DLC1: variants seen among roughly 807,000 people sequenced by gnomAD.
DLC1 encodes rho GTPase-activating protein 7.
In DLC1, 54 loss-of-function variants were observed where a neutral mutation model predicts 140.3. That is an observed-to-expected ratio of 0.38 (90% CI 0.31 to 0.48). The LOEUF is 0.48. DLC1 is among the 20% of genes least tolerant of loss of function. DLC1 has a pLI of 0.96. For missense variants in DLC1, 2,536 were observed against 1,907.0 expected (o/e 1.33, Z -6.14); for synonymous variants, 986 against 728.1 (o/e 1.35, Z -5.70).
chr8:13,193,216 A>T (rs1826860135), intron 5 of DLC1, among the ~76,000 whole-genome samples: 1 of 152,108 alleles, frequency 6.6e-6, no homozygotes, highest in Non-Finnish European at 1.5e-5. Flanking sequence ...TTATATTATT[A>T]TCCTGTTGTG....
At chr8:13,540,512 A>T (rs981252603) in intron 1 of DLC1, among the ~76,000 whole-genome samples, 9 of 152,218 alleles carry the variant, frequency 5.9e-5, no homozygotes, top group Admixed American at 4.6e-4. Context: ...ATTCCAGTTC[A>T]TGAACTGAAT....
chr8:13,186,265 C>T (rs1472701317), intron 5 of DLC1, among the ~76,000 whole-genome samples: 2 of 152,148 alleles, frequency 1.3e-5, no homozygotes, highest in Non-Finnish European at 1.5e-5. Context: ...TTCCATTCTG[C>T]CCATCACTTT....
At chr8:13,333,016 T>C (rs1833665976) in intron 4 of DLC1, among the ~76,000 whole-genome samples, 1 of 152,234 alleles carries the variant, frequency 6.6e-6, no homozygotes, top group African/African-American at 2.4e-5. Flanking sequence ...TCTAGAATTG[T>C]GGCAACACTA....
At chr8:13,231,750 A>C (rs1829055167) in intron 5 of DLC1, among the ~76,000 whole-genome samples, 1 of 152,262 alleles carries the variant, frequency 6.6e-6, no homozygotes, top group African/African-American at 2.4e-5. Context: ...CGATGTGATC[A>C]GATTAGTTTT....
At chr8:13,186,715 TGGA>T in intron 5 of DLC1, among the ~76,000 whole-genome samples, 1 of 152,244 alleles carries the variant, frequency 6.6e-6, no homozygotes. Flanking sequence ...TGCAGTCCTT[TGGA>T]GGAGAAGAGG....
chr8:13,383,499 G>C (rs1836367487), intron 4 of DLC1, among the ~76,000 whole-genome samples: 1 of 152,106 alleles, frequency 6.6e-6, no homozygotes, highest in Non-Finnish European at 1.5e-5. Context: ...CTATCTTTTG[G>C]GGGCCATTTG....
intron 4 of DLC1, among the ~76,000 whole-genome samples, chr8:13,313,824 G>A (rs947463864): frequency 3.3e-5 from 5 of 151,734 alleles, no homozygotes; most frequent in African/African-American, 1.2e-4. Context: ...GTTTTATAAA[G>A]CTCAGTGTGG....
intron 2 of DLC1, among the ~76,000 whole-genome samples, chr8:13,423,730 A>G (rs749910939): frequency 6.6e-6 from 1 of 152,162 alleles, no homozygotes; most frequent in Non-Finnish European, 1.5e-5. Flanking sequence ...ACTGATGACT[A>G]AAAGGGCAAA....
At chr8:13,249,544 C>T (rs1327484300) in intron 5 of DLC1, among the ~76,000 whole-genome samples, 2 of 152,300 alleles carry the variant, frequency 1.3e-5, no homozygotes, top group Admixed American at 1.3e-4. Context: ...AGCCAAGGCT[C>T]TCTTCACTTG....
At chr8:13,278,099 C>A (rs1469924978) in intron 5 of DLC1, among the ~76,000 whole-genome samples, 1 of 152,190 alleles carries the variant, frequency 6.6e-6, no homozygotes, top group Non-Finnish European at 1.5e-5. Flanking sequence ...ATGAATGTCC[C>A]CCATTGAGCA....
chr8:13,160,883 T>G (rs1442907091), intron 5 of DLC1, among the ~76,000 whole-genome samples: 1 of 152,118 alleles, frequency 6.6e-6, no homozygotes, highest in African/African-American at 2.4e-5. Context: ...CTCAGGAGAT[T>G]GAGACCATCA....
chr8:13,314,820 C>T (rs190497091), intron 4 of DLC1, among the ~76,000 whole-genome samples: 4,863 of 151,888 alleles, frequency 0.032, 107 homozygotes, highest in South Asian at 0.057. Context: ...TTATCCTTAT[C>T]AAATGTGACT....
chr8:13,161,531 G>T (rs10086073), intron 5 of DLC1, among the ~76,000 whole-genome samples: 1 of 151,838 alleles, frequency 6.6e-6, no homozygotes, highest in African/African-American at 2.4e-5. Context: ...GGTTGAGACA[G>T]GTCTTGCTTT....
At chr8:13,483,803 G>A (rs140637449) in intron 2 of DLC1, among the ~76,000 whole-genome samples, 3,492 of 152,052 alleles carry the variant, frequency 0.023, 61 homozygotes, top group Non-Finnish European at 0.034. Context: ...AATCTCGGGC[G>A]GGGTGTGGTG....
chr8:13,119,112 T>C (rs1820815303), intron 5 of DLC1, among the ~76,000 whole-genome samples: 1 of 151,364 alleles, frequency 6.6e-6, no homozygotes, highest in African/African-American at 2.4e-5. Context: ...GCCTGTTGTC[T>C]CAGCTACTTG....
At chr8:13,228,021 T>C (rs571615770) in intron 5 of DLC1, among the ~76,000 whole-genome samples, 2 of 152,272 alleles carry the variant, frequency 1.3e-5, no homozygotes, top group East Asian at 3.9e-4. Flanking sequence ...AATGGGATAA[T>C]GGTAATATTT....
intron 5 of DLC1, among the ~76,000 whole-genome samples, chr8:13,142,606 A>G (rs1007337124): frequency 1.3e-5 from 2 of 152,244 alleles, no homozygotes; most frequent in African/African-American, 4.8e-5. Context: ...ATAACTACAT[A>G]TTTATGAGAA....
intron 5 of DLC1, among the ~76,000 whole-genome samples, chr8:13,144,729 C>T (rs566591005): frequency 2.0e-5 from 3 of 152,302 alleles, no homozygotes; most frequent in African/African-American, 7.2e-5. Flanking sequence ...TGCACCACTG[C>T]ACTCCAGCCT....
At chr8:13,438,522 C>A (rs1393828755) in intron 2 of DLC1, among the ~76,000 whole-genome samples, 1 of 152,132 alleles carries the variant, frequency 6.6e-6, no homozygotes, top group Non-Finnish European at 1.5e-5. Context: ...CACCCCAAAT[C>A]CTGATTTACT....
Sources: gnomAD v4.1 joint callset for allele counts (sites outside exome capture counted in the v4.1 genomes callset) on GRCh38, gnomAD v4.1.1 for gene constraint, MANE v1.5 for transcripts, NCBI Gene and HGNC (gene_info 2026-07-23, HGNC 2026-07-21) for gene names.